RBM26: variants seen among roughly 807,000 people sequenced by gnomAD.
RBM26 encodes RNA-binding protein 26.
A neutral mutation model predicts 123.6 loss-of-function variants in RBM26; 30 were observed. The ratio of observed to expected loss-of-function variants is 0.24; its 90% CI spans 0.18 to 0.33. The LOEUF (loss-of-function observed/expected upper bound fraction) is 0.33. Ranked by LOEUF, RBM26 falls within the 10% of genes least tolerant of loss-of-function variation. RBM26 has a pLI of 1.00. For missense variants in RBM26, 947 were observed against 1,203.6 expected (o/e 0.79, Z 3.15); for synonymous variants, 400 against 404.4 (o/e 0.99, Z 0.13).
intron 1 of RBM26, among the ~76,000 whole-genome samples, chr13:79,398,036 T>A: frequency 6.6e-6 from 1 of 152,214 alleles, no homozygotes; most frequent in Admixed American, 6.5e-5. Flanking sequence ...AATAAAACCC[T>A]AAGTTAAAAA....
rs2071615587 is a variant in RBM26, at chr13:79,342,670, C to T, written c.2421G>A (p.Lys807=). Residue 807 remains lysine, a synonymous_variant, in exon 17 of 22, where the codon AAG becomes AAA. Coordinates refer to ENST00000438737, the MANE Select transcript of RBM26 (RefSeq NM_001366735.2). The part of the protein sequence containing the change: ...GRCLPKSIKT[K]TQMQKELLDT... ...CAACAATGAAATTAAATACCTGAGT[C>T]TTGGTTTTTATACTTTTTGGAAGAC... is the stretch of plus-strand genomic sequence containing the variant. The T allele has an allele frequency of 6.2e-7, 1 of 1,602,650 alleles. No homozygotes were observed. The highest frequency in any genetic ancestry group is 8.5e-7 in the Non-Finnish European group (1 of 1,173,694).
rs183987834 is a variant in RBM26, at chr13:79,362,652, G to A, written c.1417+2926C>T. Among the ~76,000 whole-genome samples, 129 of 152,220 alleles carry A rather than the reference G, an allele frequency of 8.5e-4. 1 individual carries two copies. Among genetic ancestry groups the A allele is most frequent in the Non-Finnish European group, 1.6e-3 (110 of 68,004 alleles). On this transcript the variant is annotated intron_variant, in intron 9 of 21. Transcript: ENST00000438737. ...CAAAAGGATTTTTGGTCTTATTCCTGTCTCCCAAGTCTGGTTCACCAGCCC... is the reference window on the plus strand; with the variant it reads ...CAAAAGGATTTTTGGTCTTATTCCTATCTCCCAAGTCTGGTTCACCAGCCC...
chr13:79,324,421 T>C (rs904806963), intron 20 of RBM26, among the ~76,000 whole-genome samples: 18 of 151,910 alleles, frequency 1.2e-4, no homozygotes, highest in African/African-American at 4.1e-4. Flanking sequence ...TATTTGTACA[T>C]CTTGTGTGAC....
At chr13:79,405,090 A>T (rs2079409679) in intron 1 of RBM26, among the ~76,000 whole-genome samples, 1 of 152,238 alleles carries the variant, frequency 6.6e-6, no homozygotes, top group African/African-American at 2.4e-5. Context: ...ATCTATCTAT[A>T]GCATCCCACT....
chr13:79,338,253 G>A (rs2070793048), intron 18 of RBM26, among the ~76,000 whole-genome samples: 1 of 152,164 alleles, frequency 6.6e-6, no homozygotes, highest in South Asian at 2.1e-4. Flanking sequence ...CTATATTAAT[G>A]AGAAGTGACT....
At chr13:79,348,399 C>A (rs1048378680) in intron 14 of RBM26, among the ~76,000 whole-genome samples, 2 of 151,962 alleles carry the variant, frequency 1.3e-5, no homozygotes, top group Non-Finnish European at 2.9e-5. Context: ...ATACCAGCCA[C>A]AATAACTATA....
intron 1 of RBM26, among the ~76,000 whole-genome samples, chr13:79,393,073 A>T (rs1160496246): frequency 6.6e-6 from 1 of 152,222 alleles, no homozygotes; most frequent in Non-Finnish European, 1.5e-5. Context: ...CTCATGAGTA[A>T]TTCTGGGAGC....
chr13:79,334,362 T>C lies in RBM26; in HGVS notation c.2802A>G (p.Thr934=), dbSNP rs1477965286. 15 of 1,555,246 alleles carry C rather than the reference T, an allele frequency of 9.6e-6. No individual in the cohort carries two copies. Among genetic ancestry groups the C allele is most frequent in the Non-Finnish European group, 1.1e-5 (13 of 1,147,024 alleles). ...AACTTACTGCTTCAGCTTCTGCTCT[T>C]GTCTTGAATGTAATTACTGCATGAA... is the stretch of plus-strand genomic sequence containing the variant. ...SSLHAVITFK[T]RAEAEAAAVH... Residue 934 remains threonine, a synonymous_variant, in exon 20 of 22, where the codon ACA becomes ACG. Transcript: ENST00000438737.
At chr13:79,336,657 T>G (rs372413044) in intron 19 of RBM26, among the ~76,000 whole-genome samples, 16 of 152,354 alleles carry the variant, frequency 1.1e-4, no homozygotes, top group East Asian at 7.7e-4. Flanking sequence ...ATCCTGACAC[T>G]GACGGAGGCA....
chr13:79,332,783 G>A (rs114781035), intron 20 of RBM26, among the ~76,000 whole-genome samples: 320 of 152,046 alleles, frequency 2.1e-3, no homozygotes, highest in African/African-American at 7.3e-3. Context: ...TTGTATACAC[G>A]CCTAAGGTAC....
rs754430413 is a variant in RBM26, at chr13:79,366,145, G to C, written c.1186C>G (p.Pro396Ala). The change falls in exon 8 of 22, where the codon CCA (proline) becomes GCA (alanine). Residue 396 changes from proline to alanine, a missense_variant. Around this residue, in one of 5 missense-constraint regions of RBM26, gnomAD observed 493 missense variants for 563.1 expected, o/e 0.88. Coordinates refer to ENST00000438737, the MANE Select transcript of RBM26 (RefSeq NM_001366735.2). Reference sequence around the variant, plus strand: ...GGAACAGAACTGGTTGCAGAGTTTGGAGGAGCATCCATGCCAGATGGCTGC... The same window carrying C: ...GGAACAGAACTGGTTGCAGAGTTTGCAGGAGCATCCATGCCAGATGGCTGC... ...PLQPSGMDAPPNSATSSVPTV... is the reference protein window; with the variant it reads ...PLQPSGMDAPANSATSSVPTV... 1.9e-6 allele frequency: 3 copies of C among 1,613,990 alleles called. No homozygotes were observed. The highest frequency in any genetic ancestry group is 1.7e-6 in the Non-Finnish European group (2 of 1,179,844).
intron 1 of RBM26, among the ~76,000 whole-genome samples, chr13:79,402,429 G>A (rs987211948): frequency 7.2e-6 from 1 of 138,438 alleles, no homozygotes; most frequent in Admixed American, 8.1e-5. Flanking sequence ...TGAAAACACA[G>A]CCAGGCTTTT....
intron 1 of RBM26, among the ~76,000 whole-genome samples, chr13:79,395,129 C>A (rs1287763576): frequency 6.6e-6 from 1 of 152,116 alleles, no homozygotes; most frequent in Non-Finnish European, 1.5e-5. Context: ...CTCTACAGTC[C>A]TTTTACACAA....
intron 20 of RBM26, among the ~76,000 whole-genome samples, chr13:79,324,071 C>CT (rs573827567): frequency 1.1e-4 from 17 of 151,882 alleles, no homozygotes; most frequent in East Asian, 7.7e-4. Flanking sequence ...ACCCATTTCA[C>CT]TTTTTACAAA....
chr13:79,379,552 A>T (rs1323778491), intron 1 of RBM26, among the ~76,000 whole-genome samples: 1 of 151,830 alleles, frequency 6.6e-6, no homozygotes, highest in Non-Finnish European at 1.5e-5. Flanking sequence ...TCAAAAAAAA[A>T]AGAAAATGTA....
At position 79,356,390 on chromosome 13, in the gene RBM26, A is replaced by C. The variant is rs528832476; in HGVS notation, c.1690-1006T>G. ...GTCTCAAAAAAAAAAAAAAACAAAC[A>C]AAAAAAAACAAAAAAGTAGTTGGAA... On this transcript the variant is annotated intron_variant, in intron 11 of 21. Transcript: ENST00000438737. Among the ~76,000 whole-genome samples, 28 of 44,850 alleles carry C rather than the reference A, an allele frequency of 6.2e-4. 1 individual carries two copies. In the South Asian group the frequency reaches 0.016, roughly 26 times the overall value. 29.4% of individuals were successfully genotyped at this position (44,850 alleles called of 152,430 possible).
chr13:79,374,360 G>T (rs1469118768), intron 3 of RBM26, among the ~76,000 whole-genome samples: 1 of 151,966 alleles, frequency 6.6e-6, no homozygotes, highest in African/African-American at 2.4e-5. Flanking sequence ...TCCCAAAAGG[G>T]GATTACAGGA....
At chr13:79,358,927 T>C (rs938419363) in intron 10 of RBM26, among the ~76,000 whole-genome samples, 5 of 152,206 alleles carry the variant, frequency 3.3e-5, no homozygotes, top group Admixed American at 2.6e-4. Flanking sequence ...ATTTTGACAC[T>C]TGAAGAAAGG....
Position 79,342,724 on chromosome 13 carries a change from A to G in RBM26, c.2367T>C (p.Asp789=), listed in dbSNP as rs1468415992. Residue 789 remains aspartate, a synonymous_variant, in exon 17 of 22, where the codon GAT becomes GAC. Coordinates refer to ENST00000438737, the MANE Select transcript of RBM26 (RefSeq NM_001366735.2). ...VLTKNITKLK[D]EVKAASPGRC... ...GTCCAGGAGAAGCAGCTTTGACCTC[A>G]TCTTTCAACTTGGTAATATTTTTTG... 1.9e-6 allele frequency: 3 copies of G among 1,611,288 alleles called. No homozygotes were observed. The African/African-American group carries it at 4.0e-5, about 22-fold the overall frequency.
Sources: gnomAD v4.1 joint callset for allele counts (sites outside exome capture counted in the v4.1 genomes callset) on GRCh38, gnomAD v4.1.1 for gene constraint, gnomAD v4.1.1 regional missense constraint, MANE v1.5 for transcripts, NCBI Gene and HGNC (gene_info 2026-07-23, HGNC 2026-07-21) for gene names.